Variants in MARCHF1 observed in about 807,000 individuals in gnomAD.
MARCHF1 encodes the protein E3 ubiquitin-protein ligase MARCHF1.
Under a neutral mutation model 54.2 loss-of-function variants are expected in MARCHF1, and 40 were observed. That is an observed-to-expected ratio of 0.74 (90% CI 0.57 to 0.96). The LOEUF (loss-of-function observed/expected upper bound fraction) is 0.96. MARCHF1 is among the 40% of genes least tolerant of loss of function. MARCHF1 has a pLI of 0.00. For missense variants in MARCHF1, 586 were observed against 656.5 expected (o/e 0.89, Z 1.17); for synonymous variants, 236 against 236.3 (o/e 1.00, Z 0.01).
intron 3 of MARCHF1, among the ~76,000 whole-genome samples, chr4:163,861,574 A>T (rs1042071512): frequency 1.3e-5 from 2 of 152,136 alleles, no homozygotes; most frequent in Admixed American, 1.3e-4. Flanking sequence ...TTAAAAATCA[A>T]AGAAAATCTA....
intron 2 of MARCHF1, among the ~76,000 whole-genome samples, chr4:164,051,449 A>G (rs1410829941): frequency 6.6e-6 from 1 of 152,172 alleles, no homozygotes; most frequent in Non-Finnish European, 1.5e-5. Flanking sequence ...AAATAAACCA[A>G]AATAGCAACT....
chr4:163,738,627 G>A (rs1307556797), intron 4 of MARCHF1, among the ~76,000 whole-genome samples: 1 of 152,138 alleles, frequency 6.6e-6, no homozygotes, highest in Non-Finnish European at 1.5e-5. Context: ...TCAAAATGAT[G>A]TTTTAAGGAA....
intron 1 of MARCHF1, among the ~76,000 whole-genome samples, chr4:164,138,490 T>A (rs1379338001): frequency 6.6e-6 from 1 of 152,136 alleles, no homozygotes; most frequent in Admixed American, 6.5e-5. Context: ...GGGCCTGGAC[T>A]TTGAGATATA....
intron 1 of MARCHF1, among the ~76,000 whole-genome samples, chr4:164,251,169 T>G (rs183802634): frequency 7.0e-4 from 106 of 152,290 alleles, no homozygotes; most frequent in African/African-American, 2.4e-3. Flanking sequence ...AGTTATTCAT[T>G]TCTGAAATAT....
chr4:164,339,818 G>T (rs1729861821), intron 1 of MARCHF1, among the ~76,000 whole-genome samples: 1 of 151,986 alleles, frequency 6.6e-6, no homozygotes, highest in African/African-American at 2.4e-5. Context: ...CAAACATTTA[G>T]CCAGACTAAG....
Position 163,644,098 on chromosome 4 carries a change from C to T in MARCHF1, c.163-30705G>A, listed in dbSNP as rs72683450. Among the ~76,000 whole-genome samples, 135 of 151,990 alleles carry T rather than the reference C, an allele frequency of 8.9e-4. 2 individuals are homozygous for T. Among genetic ancestry groups the T allele is most frequent in the Admixed American group, 1.6e-3 (24 of 15,268 alleles). ...CATTTAGGTAAAGCTAATATTTTTA[C>T]GTATTTGTTCATGCCATGTTTTTCT... On this transcript the variant is annotated intron_variant, in intron 5 of 9. Transcript: ENST00000514618.
intron 5 of MARCHF1, among the ~76,000 whole-genome samples, chr4:163,700,295 A>C (rs1434077369): frequency 6.6e-6 from 1 of 152,100 alleles, no homozygotes; most frequent in Non-Finnish European, 1.5e-5. Flanking sequence ...TCATGAGCTC[A>C]GGAGTTCTAG....
intron 2 of MARCHF1, among the ~76,000 whole-genome samples, chr4:164,019,283 T>C (rs1753611339): frequency 6.6e-6 from 1 of 152,216 alleles, no homozygotes; most frequent in African/African-American, 2.4e-5. Flanking sequence ...TGCTGTTCCC[T>C]GCAGGATTTC....
intron 2 of MARCHF1, among the ~76,000 whole-genome samples, chr4:164,015,903 A>ACC (rs1560862819): frequency 4.4e-4 from 64 of 146,884 alleles, no homozygotes; most frequent in African/African-American, 1.6e-3. Flanking sequence ...GTTTCCCCAA[A>ACC]AAAAAAAAAA....
At chr4:163,928,257 G>A (rs997953446) in intron 3 of MARCHF1, among the ~76,000 whole-genome samples, 1 of 151,594 alleles carries the variant, frequency 6.6e-6, no homozygotes, top group African/African-American at 2.4e-5. Context: ...TTATTCTGCT[G>A]GGCCAAAGGG....
intron 1 of MARCHF1, chr4:164,189,272 T>C (rs1270802201): frequency 3.4e-6 from 2 of 590,374 alleles, no homozygotes; most frequent in South Asian, 2.1e-5. Flanking sequence ...AGATGGGCCC[T>C]GTCTCCTCAA....
At chr4:164,138,324 A>G (rs113290885) in intron 1 of MARCHF1, among the ~76,000 whole-genome samples, 1,800 of 151,844 alleles carry the variant, frequency 0.012, 41 homozygotes, top group East Asian at 0.081. Context: ...TGGACTACTT[A>G]AGTTTGGCAG....
chr4:164,171,744 C>T (rs1000980813), intron 1 of MARCHF1, among the ~76,000 whole-genome samples: 2 of 152,098 alleles, frequency 1.3e-5, no homozygotes, highest in African/African-American at 4.8e-5. Flanking sequence ...CATCCAAATG[C>T]CTCATCTCAT....
chr4:163,620,626 G>C (rs1402786422), intron 5 of MARCHF1, among the ~76,000 whole-genome samples: 43 of 144,616 alleles, frequency 3.0e-4, no homozygotes, highest in African/African-American at 9.6e-4. Context: ...GAGAGAGAGA[G>C]AGAGAGAGAG....
rs1028765096 is a variant in MARCHF1 at position 163,703,940 on chromosome 4, C to T, written c.112-3077G>A. Among the ~76,000 whole-genome samples, 8 of 151,788 alleles carry T rather than the reference C, an allele frequency of 5.3e-5. No individual in the cohort carries two copies. The East Asian group carries it at 5.8e-4, about 11-fold the overall frequency. On this transcript the variant is annotated intron_variant, in intron 4 of 9. Coordinates refer to ENST00000514618, the MANE Select transcript of MARCHF1 (RefSeq NM_001394959.1). ...AAATCATTACCAAGTTTTGTTTTAA[C>T]GAATTTTTAATGTTAGAGTCTAAGG... is the stretch of plus-strand genomic sequence containing the variant.
chr4:164,283,919 C>A (rs1202702208), intron 1 of MARCHF1, among the ~76,000 whole-genome samples: 1 of 150,878 alleles, frequency 6.6e-6, no homozygotes, highest in Non-Finnish European at 1.5e-5. Context: ...TCATTAGAAA[C>A]ATCAATAAGC....
At chr4:163,548,494 T>C (rs1738986647) in intron 8 of MARCHF1, among the ~76,000 whole-genome samples, 1 of 152,220 alleles carries the variant, frequency 6.6e-6, no homozygotes, top group Non-Finnish European at 1.5e-5. Flanking sequence ...CCAAATCATT[T>C]GTAAAGATTC....
rs1236427499 is a variant in MARCHF1, at chr4:164,054,341, T to A, written c.-248+57247A>T. On this transcript the variant is annotated intron_variant, in intron 2 of 9. Coordinates refer to ENST00000514618, the MANE Select transcript of MARCHF1 (RefSeq NM_001394959.1). ...CACTGTTGGTGGGACTGTAAACTAG[T>A]TCAACCATTGTGCAAGTCAGTGTGG... Among the ~76,000 whole-genome samples, 13 of 152,062 alleles carry A rather than the reference T, an allele frequency of 8.5e-5. No homozygotes were observed. The South Asian group carries it at 2.5e-3, about 29-fold the overall frequency.
chr4:163,781,928 G>C (rs562092533), intron 4 of MARCHF1, among the ~76,000 whole-genome samples: 1 of 152,206 alleles, frequency 6.6e-6, no homozygotes, highest in South Asian at 2.1e-4. Flanking sequence ...AACTGCCTGA[G>C]GCACTTTTTG....
Sources: allele counts gnomAD v4.1 joint callset (sites outside exome capture counted in the v4.1 genomes callset), GRCh38; gene constraint gnomAD v4.1.1; transcripts MANE v1.5; gene names NCBI Gene and HGNC (gene_info 2026-07-23, HGNC 2026-07-21).